BDH1: variants seen among roughly 807,000 people sequenced by gnomAD.
The protein encoded by BDH1 is D-beta-hydroxybutyrate dehydrogenase, mitochondrial.
BDH1 carries 30 observed loss-of-function variants against 33.1 expected under a neutral mutation model. The ratio of observed to expected loss-of-function variants is 0.91; its 90% confidence interval spans 0.68 to 1.23. The LOEUF is 1.23. Among genes scored for constraint, BDH1 ranks in the 50% most tolerant of loss-of-function variants. The probability of loss-of-function intolerance (pLI) is 0.00; values close to 1 mark genes in which losing one functional copy is unlikely to be tolerated. For synonymous variants in BDH1, 190 were observed against 183.6 expected (o/e 1.03, Z -0.28); for missense variants, 443 against 464.4 (o/e 0.95, Z 0.42).
chr3:197,532,342 C>G (rs1714740895), intron 5 of BDH1, 70 bp downstream of exon 5: 1 of 1,421,314 alleles, frequency 7.0e-7, no homozygotes, highest in African/African-American at 1.4e-5. Flanking sequence ...TAGGAAAGCA[C>G]TTTTTAAAAG....
chr3:197,540,194 T>C (rs1471305561), intron 3 of BDH1, among the ~76,000 whole-genome samples: 1 of 151,860 alleles, frequency 6.6e-6, no homozygotes, highest in East Asian at 2.0e-4. Context: ...GGGATTATTA[T>C]AGGCATGTTC....
exon 1 of BDH1, chr3:197,573,305 TTC>T (rs1717670308): frequency 6.6e-6 from 1 of 152,168 alleles, no homozygotes; most frequent in Non-Finnish European, 1.5e-5. Flanking sequence ...TTTCCAGGCT[TTC>T]TGTGTATTCT....
intron 1 of BDH1, among the ~76,000 whole-genome samples, chr3:197,570,636 G>T (rs1717577139): frequency 6.6e-6 from 1 of 152,258 alleles, no homozygotes; most frequent in Admixed American, 6.5e-5. Flanking sequence ...AGACTTGGCA[G>T]CTTCCATGTG....
intron 2 of BDH1, among the ~76,000 whole-genome samples, chr3:197,548,578 T>C (rs983356082): frequency 6.6e-6 from 1 of 151,588 alleles, no homozygotes; most frequent in Non-Finnish European, 1.5e-5. Context: ...TGGCCAGGCG[T>C]GGTGGCTCAC....
At chr3:197,545,334 C>G (rs891332129) in intron 3 of BDH1, among the ~76,000 whole-genome samples, 1 of 152,148 alleles carries the variant, frequency 6.6e-6, no homozygotes, top group Middle Eastern at 3.2e-3. Context: ...ACAAACGATG[C>G]GGTGAAGGTT....
rs760750256 is a variant in BDH1 at position 197,525,183 on chromosome 3, C to T, written c.268-2402G>A. ...GATGACGTGGTGCCTGCAGACCCCT[C>T]TCTTCCACAGGCGGCACACAGGTAC... On this transcript the variant is annotated intron_variant, in intron 5 of 7. Coordinates refer to ENST00000392379, the MANE Select transcript of BDH1 (RefSeq NM_203314.3). This position sits in a 1 kb window ranked among gnomAD's most constrained non-coding sequence, Gnocchi z 4.9. 6.6e-6 allele frequency among the ~76,000 whole-genome samples: 1 copy of T among 152,204 alleles called. No homozygotes were observed. Among genetic ancestry groups the T allele is most frequent in the Non-Finnish European group, 1.5e-5 (1 of 68,032 alleles).
At position 197,521,809 on chromosome 3, in the gene BDH1, G is replaced by C. The variant is rs114057228; in HGVS notation, c.409+831C>G. Among the ~76,000 whole-genome samples, 3,890 of 152,228 alleles carry C rather than the reference G, an allele frequency of 0.026. 76 individuals are homozygous for C. Among genetic ancestry groups the C allele is most frequent in the East Asian group, 0.098 (509 of 5,172 alleles). On this transcript the variant is annotated intron_variant, in intron 6 of 7. Transcript: ENST00000392379. The surrounding 1 kb of genome is among the most constrained non-coding windows in gnomAD (Gnocchi z 4.9). Reference sequence around the variant, plus strand: ...CAACACCTACCACCCTAGTTCCGGAGTCCAGAACCCATGTTTAACTCCCGC... The same window carrying C: ...CAACACCTACCACCCTAGTTCCGGACTCCAGAACCCATGTTTAACTCCCGC...
chr3:197,565,513 G>A (rs976036693), intron 1 of BDH1, among the ~76,000 whole-genome samples: 2 of 152,070 alleles, frequency 1.3e-5, no homozygotes, highest in African/African-American at 2.4e-5. Flanking sequence ...AAATCATACA[G>A]GAAACTTTGT....
chr3:197,555,760 G>C (rs1580006245), intron 1 of BDH1, 21 bp downstream of exon 1: 1 of 152,400 alleles, frequency 6.6e-6, no homozygotes, highest in East Asian at 1.9e-4. Context: ...GAGCTGCAGA[G>C]ACGCGGACCC....
intron 5 of BDH1, among the ~76,000 whole-genome samples, chr3:197,531,877 T>G (rs1046257214): frequency 2.0e-5 from 3 of 152,158 alleles, no homozygotes; most frequent in African/African-American, 7.2e-5. Context: ...AGGAGCCTCA[T>G]GCTTTCAAGC....
In BDH1 at chr3:197,511,552, C is replaced by A; in HGVS notation, c.*343G>T. 1 of 313,748 alleles carries A rather than the reference C, an allele frequency of 3.2e-6. No individual in the cohort carries two copies. The highest frequency in any genetic ancestry group is 5.8e-6 in the Non-Finnish European group (1 of 172,260). 19.4% of individuals were successfully genotyped at this position (313,748 alleles called of 1,614,324 possible). On this transcript the variant is annotated 3_prime_UTR_variant, in exon 8 of 8. Transcript: ENST00000392379. ...TCATTTACAAAAGAAAAAAACCTGT[C>A]CTTTTCATTCATGAGACTGGCTTAA...
intron 6 of BDH1, chr3:197,515,308 C>G (rs958681831): frequency 2.0e-6 from 2 of 985,400 alleles, no homozygotes; most frequent in Admixed American, 6.1e-5. Flanking sequence ...AGAGCTCACT[C>G]CCACTCTCCA....
chr3:197,542,569 G>C (rs1297792122), intron 3 of BDH1, among the ~76,000 whole-genome samples: 71 of 135,654 alleles, frequency 5.2e-4, no homozygotes, highest in African/African-American at 2.1e-3. Context: ...TGTCGCCCAG[G>C]CTGGAGTGCA....
In BDH1 at chr3:197,510,218, C is replaced by G. The variant is rs986293601; in HGVS notation, c.*1677G>C. The G allele has an allele frequency of 2.6e-5, 4 of 152,302 alleles. No homozygotes were observed. Among genetic ancestry groups the G allele is most frequent in the Admixed American group, 2.0e-4 (3 of 15,292 alleles). The allele number at this position is 152,302 out of a possible 1,614,324, so 9.4% of individuals were successfully genotyped here. A position where few individuals can be genotyped will look rare whatever the true frequency, so the allele number is the denominator to read the frequency against. ...CTGCTTGCTTCTTTGTTCCCGGTTTCCGAAGCGCGAATCCCGAACGCCGTG... is the reference window on the plus strand; with the variant it reads ...CTGCTTGCTTCTTTGTTCCCGGTTTGCGAAGCGCGAATCCCGAACGCCGTG... On this transcript the variant is annotated 3_prime_UTR_variant, in exon 8 of 8. Transcript: ENST00000392379.
At position 197,542,270 on chromosome 3, in the gene BDH1, C is replaced by A. The variant is rs115933003; in HGVS notation, c.83+4091G>T. ...TAGACTTCTAGGGGTTCCTGCTATT[C>A]TTAGTGTGAGGCAATCCCAGCTCAT... On this transcript the variant is annotated intron_variant, in intron 3 of 7. Transcript: ENST00000392379. Among the ~76,000 whole-genome samples the A allele has an allele frequency of 4.1e-3, 617 of 152,330 alleles. 6 individuals are homozygous for A. The highest frequency in any genetic ancestry group is 0.014 in the African/African-American group (583 of 41,566).
Position 197,513,124 on chromosome 3 carries a change from G to A in BDH1, c.563-760C>T, listed in dbSNP as rs546102359. Among the ~76,000 whole-genome samples the A allele has an allele frequency of 4.6e-5, 7 of 152,360 alleles. No homozygotes were observed. In the South Asian group the frequency reaches 1.2e-3, roughly 27 times the overall value. ...GCTAGGATATGAGGAGAGAGTCCTG[G>A]GCACTGGGAGAGTGTGGTGATCCCC... is the stretch of plus-strand genomic sequence containing the variant. On this transcript the variant is annotated intron_variant, in intron 7 of 7. Coordinates refer to ENST00000392379, the MANE Select transcript of BDH1 (RefSeq NM_203314.3).
intron 3 of BDH1, chr3:197,533,809 C>G (rs1002535154): frequency 1.4e-5 from 7 of 503,098 alleles, no homozygotes; most frequent in Non-Finnish European, 2.5e-5. Flanking sequence ...TCTGAAGCTA[C>G]TTTTGTTGGG....
At chr3:197,540,225 T>C (rs954601205) in intron 3 of BDH1, among the ~76,000 whole-genome samples, 1 of 152,044 alleles carries the variant, frequency 6.6e-6, no homozygotes, top group South Asian at 2.1e-4. Flanking sequence ...TGCTAAATTT[T>C]GTGTTTTTGG....
Position 197,512,322 on chromosome 3 carries a change from T to A in BDH1, c.605A>T (p.Asn202Ile). 6.2e-7 allele frequency: 1 copy of A among 1,610,914 alleles called. No individual in the cohort carries two copies. Among genetic ancestry groups the A allele is most frequent in the Non-Finnish European group, 8.5e-7 (1 of 1,179,922 alleles). ...NISSMLGRMA[N>I]PARSPYCITK... ...GATGCAGTACGGGGAGCGGGCCGGG[T>A]TGGCCATGCGGCCCAGCATGCTGCT... is the stretch of plus-strand genomic sequence containing the variant. Residue 202 changes from asparagine (N) to isoleucine (I), a missense_variant, in exon 8 of 8, where the codon AAC becomes ATC. Transcript: ENST00000392379.
Sources: allele counts gnomAD v4.1 joint callset (sites outside exome capture counted in the v4.1 genomes callset), GRCh38; gene constraint gnomAD v4.1.1; non-coding constraint Gnocchi (gnomAD v3.1); transcripts MANE v1.5; gene names NCBI Gene and HGNC (gene_info 2026-07-23, HGNC 2026-07-21).